PCDH15: variants seen among roughly 807,000 people sequenced by gnomAD.
The protein encoded by PCDH15 is protocadherin related 15.
PCDH15 carries 129 observed loss-of-function variants against 178.5 expected under a neutral mutation model. The ratio of observed to expected loss-of-function variants is 0.72; its 90% CI spans 0.63 to 0.84. The LOEUF is 0.84. Ranked by LOEUF, PCDH15 falls within the 40% of genes least tolerant of loss-of-function variation. The pLI is 0.00. For missense variants in PCDH15, 2,230 were observed against 2,099.9 expected (o/e 1.06, Z -1.21); for synonymous variants, 800 against 732.0 (o/e 1.09, Z -1.50).
chr10:54,213,703 A>T (rs2051692186), intron 10 of PCDH15, among the ~76,000 whole-genome samples: 1 of 152,186 alleles, frequency 6.6e-6, no homozygotes. Flanking sequence ...CATTTGTTAC[A>T]TATAAGAATA....
chr10:55,196,438 G>T (rs1223489591), intron 1 of PCDH15, among the ~76,000 whole-genome samples: 2 of 151,994 alleles, frequency 1.3e-5, no homozygotes, highest in African/African-American at 4.8e-5. Flanking sequence ...TTTCAATAGA[G>T]CTCTCAATTA....
chr10:53,872,721 TTC>T (rs2079956967), intron 26 of PCDH15, among the ~76,000 whole-genome samples: 1 of 152,202 alleles, frequency 6.6e-6, no homozygotes, highest in Non-Finnish European at 1.5e-5. Flanking sequence ...ATGTAATAAG[TTC>T]TCTTTCTCAC....
intron 2 of PCDH15, among the ~76,000 whole-genome samples, chr10:55,601,239 C>T (rs1843069895): frequency 6.6e-6 from 1 of 152,122 alleles, no homozygotes; most frequent in Admixed American, 6.5e-5. Flanking sequence ...GATGTGGAAA[C>T]ACATACACTT....
chr10:54,657,061 T>C (rs945799419), intron 2 of PCDH15, among the ~76,000 whole-genome samples: 2 of 152,138 alleles, frequency 1.3e-5, no homozygotes, highest in African/African-American at 2.4e-5. Context: ...TCCCAGCAAC[T>C]GAAGGCAGAC....
At chr10:53,814,994 C>G (rs189618892) in intron 35 of PCDH15, among the ~76,000 whole-genome samples, 4 of 150,122 alleles carry the variant, frequency 2.7e-5, no homozygotes, top group Admixed American at 2.7e-4. Context: ...GAGTAAGGAA[C>G]TGCTGACCAG....
At chr10:55,262,145 G>C (rs1176673496) in intron 1 of PCDH15, among the ~76,000 whole-genome samples, 3 of 127,214 alleles carry the variant, frequency 2.4e-5, no homozygotes, top group African/African-American at 8.9e-5. Flanking sequence ...ATGAAGGAAG[G>C]AGTGTGAGGA....
At position 54,532,819 on chromosome 10, in the gene PCDH15, T is replaced by A. The variant is rs2084068252; in HGVS notation, c.92-4942A>T. 2.0e-5 allele frequency among the ~76,000 whole-genome samples: 3 copies of A among 152,020 alleles called. No homozygotes were observed. In the South Asian group the frequency reaches 6.2e-4, roughly 31 times the overall value. On this transcript the variant is annotated intron_variant, in intron 2 of 37. Transcript: ENST00000644397. Reference sequence around the variant, plus strand: ...CCACTATCTGTGTGGATTTTGCAAGTTCTCCCCAAATCTGTGAGGACTTTC... The same window carrying A: ...CCACTATCTGTGTGGATTTTGCAAGATCTCCCCAAATCTGTGAGGACTTTC...
intron 26 of PCDH15, among the ~76,000 whole-genome samples, chr10:53,898,160 G>A (rs1053285278): frequency 5.3e-5 from 8 of 151,380 alleles, no homozygotes. Context: ...TAGAGACGGG[G>A]GTTTCACCGT....
intron 2 of PCDH15, among the ~76,000 whole-genome samples, chr10:55,380,409 T>C (rs1023735769): frequency 2.6e-5 from 4 of 152,232 alleles, no homozygotes; most frequent in African/African-American, 9.6e-5. Flanking sequence ...CCAGTTTCTA[T>C]ACATCTTTTG....
intron 3 of PCDH15, among the ~76,000 whole-genome samples, chr10:54,436,031 GGAGAGAGAGA>G (rs753698148): frequency 5.8e-5 from 2 of 34,548 alleles, no homozygotes; most frequent in African/African-American, 2.8e-4. Context: ...GGAGAGGAGA[GGAGAGAGAGA>G]GAGAGAGAGA....
At chr10:54,480,036 T>C (rs1358737220) in intron 3 of PCDH15, among the ~76,000 whole-genome samples, 1 of 152,070 alleles carries the variant, frequency 6.6e-6, no homozygotes, top group African/African-American at 2.4e-5. Context: ...AAAATTACTA[T>C]TATAATGAGT....
At chr10:54,880,100 T>A (rs1027855603) in intron 3 of PCDH15, among the ~76,000 whole-genome samples, 1 of 152,172 alleles carries the variant, frequency 6.6e-6, no homozygotes, top group African/African-American at 2.4e-5. Flanking sequence ...AGATCCCTTA[T>A]GAAATACCTT....
At chr10:55,382,282 G>A (rs549189780) in intron 2 of PCDH15, among the ~76,000 whole-genome samples, 46 of 152,112 alleles carry the variant, frequency 3.0e-4, no homozygotes, top group Admixed American at 6.5e-4. Context: ...TGCGAGCTGC[G>A]ATCATGTTAT....
At chr10:54,324,359 G>T (rs1193727095) in intron 7 of PCDH15, among the ~76,000 whole-genome samples, 2 of 152,018 alleles carry the variant, frequency 1.3e-5, no homozygotes, top group Non-Finnish European at 2.9e-5. Context: ...TATCTTGTTA[G>T]GAAAGATAGC....
intron 2 of PCDH15, among the ~76,000 whole-genome samples, chr10:54,948,454 A>C (rs2131871447): frequency 6.6e-6 from 1 of 152,130 alleles, no homozygotes; most frequent in East Asian, 1.9e-4. Flanking sequence ...GCTAAGGAAT[A>C]TCCAGGACAG....
At chr10:55,513,401 C>A (rs887327429) in intron 2 of PCDH15, among the ~76,000 whole-genome samples, 1 of 151,890 alleles carries the variant, frequency 6.6e-6, no homozygotes, top group Admixed American at 6.6e-5. Flanking sequence ...TTGATTATGC[C>A]TTTTTTGCTT....
intron 1 of PCDH15, among the ~76,000 whole-genome samples, chr10:55,178,695 A>C (rs1308386348): frequency 1.3e-5 from 2 of 152,120 alleles, no homozygotes; most frequent in African/African-American, 2.4e-5. Flanking sequence ...CACCAATGTA[A>C]AGAAATTGGA....
chr10:54,188,298 T>A (rs984600136), intron 11 of PCDH15, among the ~76,000 whole-genome samples: 7 of 152,006 alleles, frequency 4.6e-5, no homozygotes, highest in Admixed American at 4.6e-4. Flanking sequence ...GCAACTCTTT[T>A]AATCATGTTA....
At chr10:54,953,867 A>T (rs955888440) in intron 2 of PCDH15, among the ~76,000 whole-genome samples, 2 of 151,268 alleles carry the variant, frequency 1.3e-5, no homozygotes, top group Non-Finnish European at 3.0e-5. Flanking sequence ...ACAATTTTTT[A>T]AAAAATATTA....
Sources: allele counts gnomAD v4.1 joint callset (sites outside exome capture counted in the v4.1 genomes callset), GRCh38; gene constraint gnomAD v4.1.1; transcripts MANE v1.5; gene names NCBI Gene and HGNC (gene_info 2026-07-23, HGNC 2026-07-21).